Variants in XKR3 observed in about 807,000 individuals in gnomAD.
The protein encoded by XKR3 is XK-related protein 3.
Under a neutral mutation model 40.3 loss-of-function variants are expected in XKR3, and 27 were observed. That is an observed-to-expected ratio of 0.67 (90% CI 0.49 to 0.92). The LOEUF is 0.92. Among genes scored for constraint, XKR3 ranks in the 40% least tolerant of loss-of-function variants. The pLI, the probability that XKR3 is intolerant of heterozygous loss-of-function variation, is 0.00. For synonymous variants in XKR3, 193 were observed against 195.4 expected, an observed-to-expected ratio of 0.99 and a Z score of 0.10; for missense variants, 472 against 537.6, an observed-to-expected ratio of 0.88 and a Z score of 1.21.
chr22:16,808,110 T>G, intron 1 of XKR3, 27 bp from the exon 2 acceptor site: 1 of 1,516,324 alleles, frequency 6.6e-7, no homozygotes, highest in Non-Finnish European at 8.9e-7. Flanking sequence ...GTCTTGTCAG[T>G]GAATCCAGTA....
intron 3 of XKR3, among the ~76,000 whole-genome samples, chr22:16,793,652 A>C (rs1169430073): frequency 1.3e-5 from 2 of 152,162 alleles, no homozygotes; most frequent in African/African-American, 2.4e-5. Flanking sequence ...TGACCATCAA[A>C]TAGGCTGTCA....
At chr22:16,800,182 C>T (rs2060162753) in intron 2 of XKR3, among the ~76,000 whole-genome samples, 158 bp from the exon 3 acceptor site, 1 of 151,390 alleles carries the variant, frequency 6.6e-6, no homozygotes, top group South Asian at 2.1e-4. Flanking sequence ...AAGTTTCTAA[C>T]AGTTTCTAAT....
intron 3 of XKR3, among the ~76,000 whole-genome samples, chr22:16,797,275 C>CT (rs2060145275): frequency 1.3e-5 from 2 of 152,136 alleles, no homozygotes; most frequent in Non-Finnish European, 2.9e-5. Context: ...AAATTTTTAG[C>CT]TAAGTCCCCA....
rs1033371656 is a variant in XKR3, at chr22:16,791,711, G to A, written c.590-7302C>T. On this transcript the variant is annotated intron_variant, in intron 3 of 3. Coordinates refer to ENST00000684488, the MANE Select transcript of XKR3 (RefSeq NM_001386955.1). Reference sequence around the variant, plus strand: ...ATAGAGAAAGAAAGGAGGCAGGGGGGAGAGAGAGAGGGAGAGAGGGAGAAA... The same window carrying A: ...ATAGAGAAAGAAAGGAGGCAGGGGGAAGAGAGAGAGGGAGAGAGGGAGAAA... Among the ~76,000 whole-genome samples, 125 of 146,758 alleles carry A rather than the reference G, an allele frequency of 8.5e-4. 2 individuals are homozygous for A. The East Asian group carries it at 0.021, about 25-fold the overall frequency.
chr22:16,804,912 T>C (rs367787911), intron 2 of XKR3, among the ~76,000 whole-genome samples: 1 of 152,208 alleles, frequency 6.6e-6, no homozygotes, highest in Non-Finnish European at 1.5e-5. Flanking sequence ...AACAGTATCA[T>C]AGCCCACGGT....
intron 2 of XKR3, among the ~76,000 whole-genome samples, chr22:16,805,840 A>C (rs2060187235): frequency 6.6e-6 from 1 of 152,322 alleles, no homozygotes; most frequent in East Asian, 1.9e-4. Context: ...AAAATCAAAT[A>C]GAAACCAAAA....
intron 1 of XKR3, among the ~76,000 whole-genome samples, chr22:16,814,781 G>T (rs1275677028): frequency 6.6e-6 from 1 of 151,868 alleles, no homozygotes; most frequent in Non-Finnish European, 1.5e-5. Flanking sequence ...TTACTGTGTA[G>T]GTATATAATT....
chr22:16,823,321 G>C (rs1246876417), intron 1 of XKR3, among the ~76,000 whole-genome samples: 2 of 152,132 alleles, frequency 1.3e-5, no homozygotes, highest in Middle Eastern at 3.2e-3. Flanking sequence ...AGAGTTCGTG[G>C]TACACAGTGA....
intron 3 of XKR3, among the ~76,000 whole-genome samples, chr22:16,788,626 T>C (rs2060101372): frequency 6.6e-6 from 1 of 152,088 alleles, no homozygotes. Context: ...TGTGAACTGT[T>C]CCAGTTCATT....
At chr22:16,784,671 T>C (rs1473912109) in intron 3 of XKR3, among the ~76,000 whole-genome samples, 1 of 152,088 alleles carries the variant, frequency 6.6e-6, no homozygotes, top group Non-Finnish European at 1.5e-5. Flanking sequence ...ATATACACAT[T>C]CCCTCAAAGA....
intron 3 of XKR3, among the ~76,000 whole-genome samples, chr22:16,792,659 G>A (rs377194039): frequency 2.1e-4 from 32 of 152,268 alleles, no homozygotes; most frequent in African/African-American, 7.2e-4. Context: ...CTTAGTCTTA[G>A]TTTGTTGTTC....
intron 3 of XKR3, among the ~76,000 whole-genome samples, chr22:16,788,501 C>A (rs1399722321): frequency 6.6e-6 from 1 of 151,970 alleles, no homozygotes; most frequent in African/African-American, 2.4e-5. Context: ...AAAAGTTACC[C>A]ATTAAAGAAA....
chr22:16,807,659 A>G, intron 2 of XKR3, 80 bp downstream of exon 2: 2 of 1,237,074 alleles, frequency 1.6e-6, no homozygotes, highest in South Asian at 1.6e-5. Context: ...TAATTATGGC[A>G]TCCTTAATCT....
intron 1 of XKR3, among the ~76,000 whole-genome samples, chr22:16,811,267 G>A (rs1181938946): frequency 6.6e-6 from 1 of 151,898 alleles, no homozygotes; most frequent in Admixed American, 6.6e-5. Flanking sequence ...GACCACAGGT[G>A]CCCACCACCC....
chr22:16,816,390 A>T (rs1204836694), intron 1 of XKR3, among the ~76,000 whole-genome samples: 1 of 151,024 alleles, frequency 6.6e-6, no homozygotes, highest in Non-Finnish European at 1.5e-5. Flanking sequence ...TTTTGAAAAA[A>T]TATTCATTTT....
chr22:16,807,170 T>TC (rs1315187783), intron 2 of XKR3, among the ~76,000 whole-genome samples: 1 of 152,172 alleles, frequency 6.6e-6, no homozygotes, highest in African/African-American at 2.4e-5. Flanking sequence ...GAACTATGAG[T>TC]AAGACAGATT....
intron 3 of XKR3, among the ~76,000 whole-genome samples, chr22:16,784,955 C>A (rs1234332844): frequency 1.2e-4 from 19 of 152,114 alleles, no homozygotes; most frequent in African/African-American, 4.3e-4. Flanking sequence ...GTGGAGCTGA[C>A]AGATTCTGCT....
intron 2 of XKR3, 25 bp from the exon 3 acceptor site, chr22:16,800,049 G>T: frequency 6.2e-7 from 1 of 1,604,186 alleles, no homozygotes; most frequent in Non-Finnish European, 8.5e-7. Context: ...TAACATCCAA[G>T]ATTAACATTT....
Position 16,791,767 on chromosome 22 carries a change from G to A in XKR3, c.590-7358C>T, listed in dbSNP as rs1479155733. Among the ~76,000 whole-genome samples the A allele has an allele frequency of 4.8e-3, 402 of 83,512 alleles. 6 individuals are homozygous for A. The highest frequency in any genetic ancestry group is 0.031 in the South Asian group (64 of 2,082). 54.8% of individuals were successfully genotyped at this position (83,512 alleles called of 152,430 possible). A position where few individuals can be genotyped will look rare whatever the true frequency, so the allele number is the denominator to read the frequency against. On this transcript the variant is annotated intron_variant, in intron 3 of 3. Coordinates refer to ENST00000684488, the MANE Select transcript of XKR3 (RefSeq NM_001386955.1). The stretch of plus-strand genomic sequence containing the variant: ...AGAGAGAGGGAGAGAGAGGGAGAGA[G>A]GGAGAGAGAGGGAGAGAGAGAGAGA...
Sources: gnomAD v4.1 joint callset for allele counts (sites outside exome capture counted in the v4.1 genomes callset) on GRCh38, gnomAD v4.1.1 for gene constraint, MANE v1.5 for transcripts, NCBI Gene and HGNC (gene_info 2026-07-23, HGNC 2026-07-21) for gene names.